The following AQP7B variants were observed in gnomAD, a reference collection of about 807,000 sequenced individuals.
The protein encoded by AQP7B is putative aquaporin-7B.
At chr2:94,602,846 G>C in the AQP7B span, among the ~76,000 whole-genome samples, 1 of 152,154 alleles carries the variant, frequency 6.6e-6, no homozygotes, top group African/African-American at 2.4e-5. Context: ...GCAAGCCATC[G>C]CCTTCTGTGT....
chr2:94,593,480 CTTTTTTT>C, the AQP7B span, among the ~76,000 whole-genome samples: 15 of 113,956 alleles, frequency 1.3e-4, no homozygotes, highest in South Asian at 2.9e-4. Flanking sequence ...TCCTCTTCCT[CTTTTTTT>C]TTTTTTTTTT....
At chr2:94,604,378 C>A in the AQP7B span, 2 of 1,611,548 alleles carry the variant, frequency 1.2e-6, no homozygotes, top group Admixed American at 3.3e-5. Context: ...TCATTGGCTC[C>A]ACCATCCCAC....
the AQP7B span, among the ~76,000 whole-genome samples, chr2:94,597,616 T>G: frequency 6.6e-6 from 1 of 151,616 alleles, no homozygotes; most frequent in South Asian, 2.1e-4. Context: ...TTTTTTGTTT[T>G]TTTTTTTTTG....
chr2:94,599,864 CTCTTTTTTTTT>C, the AQP7B span, among the ~76,000 whole-genome samples: 2,795 of 151,674 alleles, frequency 0.018, 69 homozygotes, highest in African/African-American at 0.06. Context: ...TGCCTTTCAA[CTCTTTTTTTTT>C]TCTTTTTTTT....
At chr2:94,590,866 C>A in the AQP7B span, among the ~76,000 whole-genome samples, 1 of 149,216 alleles carries the variant, frequency 6.7e-6, no homozygotes. Flanking sequence ...ATCACTTGAA[C>A]CCTGGGAAGT....
chr2:94,592,188 G>C, the AQP7B span, among the ~76,000 whole-genome samples: 3 of 152,086 alleles, frequency 2.0e-5, no homozygotes, highest in Admixed American at 2.0e-4. Flanking sequence ...CATGGGAGGT[G>C]GGGTTGGATG....
chr2:94,604,199 C>A, the AQP7B span: 1 of 1,338,436 alleles, frequency 7.5e-7, no homozygotes, highest in Non-Finnish European at 1.0e-6. Flanking sequence ...GGGGATGACT[C>A]CTCTGCTCAA....
At chr2:94,592,007 T>C in the AQP7B span, among the ~76,000 whole-genome samples, 1 of 152,196 alleles carries the variant, frequency 6.6e-6, no homozygotes, top group East Asian at 1.9e-4. Context: ...ATTCTAGGCA[T>C]AGTGGATTCA....
At chr2:94,603,874 G>A in the AQP7B span, 2 of 1,391,306 alleles carry the variant, frequency 1.4e-6, no homozygotes, top group Non-Finnish European at 1.0e-6. Flanking sequence ...TCCATCCCGG[G>A]ACCCGCCCCC....
At chr2:94,592,122 T>C in the AQP7B span, among the ~76,000 whole-genome samples, 2 of 152,124 alleles carry the variant, frequency 1.3e-5, no homozygotes, top group Non-Finnish European at 2.9e-5. Context: ...ACTCTCTTGG[T>C]GTTCTTGTCT....
At chr2:94,588,922 C>T in the AQP7B span, among the ~76,000 whole-genome samples, 1 of 151,734 alleles carries the variant, frequency 6.6e-6, no homozygotes, top group Non-Finnish European at 1.5e-5. Context: ...TCTGACCTCC[C>T]CACTCCAGCC....
chr2:94,597,306 G>A, the AQP7B span, among the ~76,000 whole-genome samples: 17 of 152,292 alleles, frequency 1.1e-4, no homozygotes, highest in Admixed American at 2.6e-4. Flanking sequence ...GCAGGAGGGT[G>A]CATCCTCTGA....
At chr2:94,599,476 C>A in the AQP7B span, among the ~76,000 whole-genome samples, 1 of 152,166 alleles carries the variant, frequency 6.6e-6, no homozygotes, top group South Asian at 2.1e-4. Context: ...ATGGCTTGAT[C>A]TGCTGCTTGA....
chr2:94,603,102 T>A, the AQP7B span: 2 of 1,579,810 alleles, frequency 1.3e-6, no homozygotes, highest in South Asian at 2.3e-5. Flanking sequence ...CTGGAGGAAG[T>A]TTCCAGTCCA....
At chr2:94,601,479 G>T in the AQP7B span, among the ~76,000 whole-genome samples, 31 of 152,326 alleles carry the variant, frequency 2.0e-4, no homozygotes, top group East Asian at 5.0e-3. Flanking sequence ...AACTGTCTAC[G>T]TGGTAAAACC....
At chr2:94,604,451 A>G in the AQP7B span, 1 of 1,611,478 alleles carries the variant, frequency 6.2e-7, no homozygotes, top group Non-Finnish European at 8.5e-7. Flanking sequence ...CGTATTGCCC[A>G]AGATGGGATC....
chr2:94,597,948 A>G, the AQP7B span, among the ~76,000 whole-genome samples: 1 of 152,142 alleles, frequency 6.6e-6, no homozygotes, highest in Non-Finnish European at 1.5e-5. Flanking sequence ...TCTGTACCTT[A>G]GCTTAAATAT....
At chr2:94,597,559 C>A in the AQP7B span, among the ~76,000 whole-genome samples, 1 of 151,794 alleles carries the variant, frequency 6.6e-6, no homozygotes, top group South Asian at 2.1e-4. Context: ...TGCCCAAGGT[C>A]ACACTTTAAG....
At chr2:94,602,812 T>G in the AQP7B span, among the ~76,000 whole-genome samples, 1 of 152,154 alleles carries the variant, frequency 6.6e-6, no homozygotes, top group Non-Finnish European at 1.5e-5. Context: ...TGACCTACCA[T>G]TTTCACTGGC....
Sources: allele counts gnomAD v4.1 joint callset (sites outside exome capture counted in the v4.1 genomes callset), GRCh38; gene constraint gnomAD v4.1.1; transcripts MANE v1.5; gene names NCBI Gene and HGNC (gene_info 2026-07-23, HGNC 2026-07-21).